CEBPG: variants seen among roughly 807,000 people sequenced by gnomAD.
The protein encoded by CEBPG is CCAAT/enhancer-binding protein gamma.
Under a neutral mutation model 11.1 loss-of-function variants are expected in CEBPG, and 6 were observed. That is an observed-to-expected ratio of 0.54 (90% CI 0.30 to 1.07). The LOEUF (loss-of-function observed/expected upper bound fraction) is 1.07. Among genes scored for constraint, CEBPG ranks in the 50% least tolerant of loss-of-function variants. The probability of loss-of-function intolerance (pLI) is 0.07; values close to 1 mark genes in which losing one functional copy is unlikely to be tolerated. For missense variants in CEBPG, 161 were observed against 187.4 expected (o/e 0.86, Z 0.82); for synonymous variants, 66 against 71.0 (o/e 0.93, Z 0.36).
At chr19:33,378,747 C>A (rs1327378679) in intron 1 of CEBPG, among the ~76,000 whole-genome samples, 1 of 152,168 alleles carries the variant, frequency 6.6e-6, no homozygotes, top group Non-Finnish European at 1.5e-5. Context: ...TTGACTTGAA[C>A]CAACAATGGA....
At position 33,379,781 on chromosome 19, in the gene CEBPG, C is replaced by T. The variant is rs766831509; in HGVS notation, c.*89C>T. The T allele has an allele frequency of 3.4e-5, 42 of 1,253,646 alleles. 1 individual carries two copies. Among genetic ancestry groups the T allele is most frequent in the East Asian group, 5.1e-5 (2 of 39,494 alleles). The allele number at this position is 1,253,646 out of a possible 1,614,324, so 77.7% of individuals were successfully genotyped here. Reference sequence around the variant, plus strand: ...ACTCATGTCAATGGCTGAAAGTTGTCCATTTCCATGACTCAAAGACCCATT... The same window carrying T: ...ACTCATGTCAATGGCTGAAAGTTGTTCATTTCCATGACTCAAAGACCCATT... On this transcript the variant is annotated 3_prime_UTR_variant, in exon 2 of 2. Coordinates refer to ENST00000284000, the MANE Select transcript of CEBPG (RefSeq NM_001806.4).
rs1568438789 is a variant in CEBPG, at chr19:33,380,044, G to A, written c.*352G>A. ...AAGGAATGGGGAACTGGCAGGCCGC[G>A]CAGAAGGTTCTTGGTTTTAATGGAT... On this transcript the variant is annotated 3_prime_UTR_variant, in exon 2 of 2. Coordinates refer to ENST00000284000, the MANE Select transcript of CEBPG (RefSeq NM_001806.4). The A allele has an allele frequency of 2.5e-5, 5 of 197,596 alleles. No individual in the cohort carries two copies. The highest frequency in any genetic ancestry group is 1.3e-4 in the East Asian group (1 of 7,698). The allele number at this position is 197,596 out of a possible 1,614,324, so 12.2% of individuals were successfully genotyped here. A position where few individuals can be genotyped will look rare whatever the true frequency, so the allele number is the denominator to read the frequency against.
In CEBPG at chr19:33,382,529, T is replaced by G. The variant is rs2772; in HGVS notation, c.*2837T>G. On this transcript the variant is annotated 3_prime_UTR_variant, in exon 2 of 2. Transcript: ENST00000284000. Reference sequence around the variant, plus strand: ...TTCACAAAAGCTGGGAAGGAAGAAGTCCATTCTGCAGCTGTTAGATCTGCC... The same window carrying G: ...TTCACAAAAGCTGGGAAGGAAGAAGGCCATTCTGCAGCTGTTAGATCTGCC... 0.18 allele frequency: 29,678 copies of G among 167,102 alleles called. 3,341 individuals are homozygous for G. Among genetic ancestry groups the G allele is most frequent in the Admixed American group, 0.27 (4,154 of 15,288 alleles). 10.4% of individuals were successfully genotyped at this position (167,102 alleles called of 1,614,324 possible). A position where few individuals can be genotyped will look rare whatever the true frequency, so the allele number is the denominator to read the frequency against.
intron 1 of CEBPG, among the ~76,000 whole-genome samples, chr19:33,378,790 CCTA>C (rs1206989157): frequency 6.6e-6 from 1 of 152,188 alleles, no homozygotes; most frequent in African/African-American, 2.4e-5. Flanking sequence ...AGGTGTCTCT[CCTA>C]CTACAGTCAG....
intron 1 of CEBPG, chr19:33,374,495 A>G (rs929599160): frequency 6.6e-6 from 1 of 152,214 alleles, no homozygotes; most frequent in Admixed American, 6.5e-5. Flanking sequence ...AATGTCCTGC[A>G]CTTTACTGTT....
At chr19:33,374,454 A>T (rs553633505) in intron 1 of CEBPG, 1 of 152,384 alleles carries the variant, frequency 6.6e-6, no homozygotes, top group East Asian at 1.9e-4. Context: ...CTTTGCAGAG[A>T]TAATATTTTG....
intron 1 of CEBPG, among the ~76,000 whole-genome samples, chr19:33,375,075 A>G (rs770538743): frequency 6.6e-6 from 1 of 152,252 alleles, no homozygotes; most frequent in Non-Finnish European, 1.5e-5. Flanking sequence ...ATTACAGGGT[A>G]CAAGGGAGCT....
At chr19:33,376,428 T>C (rs1197801961) in intron 1 of CEBPG, among the ~76,000 whole-genome samples, 1 of 152,234 alleles carries the variant, frequency 6.6e-6, no homozygotes, top group Non-Finnish European at 1.5e-5. Flanking sequence ...TCAATATTCA[T>C]TGGGAATCAG....
intron 1 of CEBPG, among the ~76,000 whole-genome samples, chr19:33,377,210 C>T (rs539364704): frequency 5.3e-5 from 8 of 152,162 alleles, no homozygotes; most frequent in Non-Finnish European, 8.8e-5. Flanking sequence ...GACTGAAGGT[C>T]GTGGTGTGTT....
intron 1 of CEBPG, 138 bp downstream of exon 1, chr19:33,374,033 C>T (rs1228547368): frequency 6.7e-6 from 1 of 149,910 alleles, no homozygotes; most frequent in Non-Finnish European, 1.5e-5. Context: ...GAAGGCCACG[C>T]GAGGCTGGAG....
chr19:33,377,363 C>T (rs371569632), intron 1 of CEBPG, among the ~76,000 whole-genome samples: 14 of 152,204 alleles, frequency 9.2e-5, no homozygotes, highest in African/African-American at 2.9e-4. Context: ...TGGTCTCTAC[C>T]GCTTTGGATC....
At position 33,380,106 on chromosome 19, in the gene CEBPG, A is replaced by G. The variant is rs1967966894; in HGVS notation, c.*414A>G. ...GATTAAGAAAAGTTGAATGCCACCT[A>G]TGGTAATCTATTTGTGATTTTCTTC... On this transcript the variant is annotated 3_prime_UTR_variant, in exon 2 of 2. Transcript: ENST00000284000. 1 of 171,974 alleles carries G rather than the reference A, an allele frequency of 5.8e-6. No individual in the cohort carries two copies. Among genetic ancestry groups the G allele is most frequent in the African/African-American group, 2.4e-5 (1 of 41,740 alleles). 10.7% of individuals were successfully genotyped at this position (171,974 alleles called of 1,614,324 possible). A position where few individuals can be genotyped will look rare whatever the true frequency, so the allele number is the denominator to read the frequency against.
rs947771251 is a variant in CEBPG at position 33,381,797 on chromosome 19, A to G, written c.*2105A>G. The G allele has an allele frequency of 4.2e-5, 7 of 167,130 alleles. No homozygotes were observed. The highest frequency in any genetic ancestry group is 1.7e-4 in the African/African-American group (7 of 41,464). 10.4% of individuals were successfully genotyped at this position (167,130 alleles called of 1,614,324 possible). On this transcript the variant is annotated 3_prime_UTR_variant, in exon 2 of 2. Transcript: ENST00000284000. ...GGGTGTGTACTCAGTATTTCAAATC[A>G]GAACACAAGATTGGAACTTTTGGAA...
intron 1 of CEBPG, among the ~76,000 whole-genome samples, chr19:33,375,028 T>C (rs972166753): frequency 3.3e-5 from 5 of 152,244 alleles, no homozygotes; most frequent in African/African-American, 9.6e-5. Flanking sequence ...AGGTCGATTC[T>C]GCTTCTGGAA....
Position 33,379,214 on chromosome 19 carries a change from C to G in CEBPG, c.-26C>G. ...CACCCTGCTCTCATTTCTACCTGTT[C>G]TGTGTTGGCAAGGGAGAGTGCCCAA... is the stretch of plus-strand genomic sequence containing the variant. On this transcript the variant is annotated 5_prime_UTR_variant, in exon 2 of 2. Transcript: ENST00000284000. 8 of 1,512,100 alleles carry G rather than the reference C, an allele frequency of 5.3e-6. No individual in the cohort carries two copies. The highest frequency in any genetic ancestry group is 7.1e-6 in the Non-Finnish European group (8 of 1,130,390). 93.7% of individuals were successfully genotyped at this position (1,512,100 alleles called of 1,614,324 possible). A position where few individuals can be genotyped will look rare whatever the true frequency, so the allele number is the denominator to read the frequency against.
In CEBPG at chr19:33,379,392, G is replaced by A; in HGVS notation, c.153G>A (p.Gln51=). The part of the protein sequence containing the change: ...GGGKAVAPSK[Q]SKKSSPMDRN... The stretch of plus-strand genomic sequence containing the variant: ...GCAAAGCTGTGGCTCCCAGCAAGCA[G>A]AGCAAAAAGAGTTCGCCCATGGATC... The change falls in exon 2 of 2, where the codon CAG becomes CAA. Residue 51 remains glutamine, a synonymous_variant. Transcript: ENST00000284000. 6.2e-7 allele frequency: 1 copy of A among 1,614,080 alleles called. No homozygotes were observed.
intron 1 of CEBPG, among the ~76,000 whole-genome samples, chr19:33,376,715 T>C (rs1967916455): frequency 1.3e-5 from 2 of 152,214 alleles, no homozygotes; most frequent in South Asian, 4.1e-4. Context: ...TTTGGAATAG[T>C]GTTTGTCCAC....
In CEBPG at chr19:33,379,681, G is replaced by A; in HGVS notation, c.442G>A (p.Ala148Thr). 1 of 1,610,772 alleles carries A rather than the reference G, an allele frequency of 6.2e-7. No homozygotes were observed. The highest frequency in any genetic ancestry group is 8.5e-7 in the Non-Finnish European group (1 of 1,177,656). The change falls in exon 2 of 2, where the codon GCA becomes ACA. Residue 148 changes from alanine to threonine, a missense_variant. Coordinates refer to ENST00000284000, the MANE Select transcript of CEBPG (RefSeq NM_001806.4). ...TENTTADGDN[A>T]GQ Reference sequence around the variant, plus strand: ...AAATACGACAGCAGATGGCGACAATGCAGGACAGTAGACCTCACCCTTTCC... The same window carrying A: ...AAATACGACAGCAGATGGCGACAATACAGGACAGTAGACCTCACCCTTTCC...
At position 33,379,695 on chromosome 19, in the gene CEBPG, C is replaced by G. The variant is rs755077483; in HGVS notation, c.*3C>G. 2 of 1,578,218 alleles carry G rather than the reference C, an allele frequency of 1.3e-6. No homozygotes were observed. Among genetic ancestry groups the G allele is most frequent in the East Asian group, 2.8e-5 (1 of 35,920 alleles). ...ATGGCGACAATGCAGGACAGTAGAC[C>G]TCACCCTTTCCAGACTTTAGAGCTT... On this transcript the variant is annotated 3_prime_UTR_variant, in exon 2 of 2. Transcript: ENST00000284000.
Sources: allele counts gnomAD v4.1 joint callset (sites outside exome capture counted in the v4.1 genomes callset), GRCh38; gene constraint gnomAD v4.1.1; transcripts MANE v1.5; gene names NCBI Gene and HGNC (gene_info 2026-07-23, HGNC 2026-07-21).